NEGR1: variants seen among roughly 807,000 people sequenced by gnomAD.
The protein encoded by NEGR1 is IgLON family member 4.
Under a neutral mutation model 40.9 loss-of-function variants are expected in NEGR1, and 10 were observed. That is an observed-to-expected ratio of 0.24 (90% CI 0.15 to 0.42). The LOEUF is 0.42. Among genes scored for constraint, NEGR1 ranks in the 10% least tolerant of loss-of-function variants. NEGR1 has a pLI of 1.00. For synonymous variants in NEGR1, 185 were observed against 166.8 expected (o/e 1.11, Z -0.84); for missense variants, 352 against 438.9 (o/e 0.80, Z 1.77).
At chr1:71,930,426 A>G (rs1289992561) in intron 2 of NEGR1, among the ~76,000 whole-genome samples, 1 of 152,150 alleles carries the variant, frequency 6.6e-6, no homozygotes, top group Non-Finnish European at 1.5e-5. Context: ...AATTTTTGAC[A>G]TGCTCTGAAA....
At chr1:71,606,740 G>A (rs1017997230) in intron 5 of NEGR1, among the ~76,000 whole-genome samples, 2 of 147,818 alleles carry the variant, frequency 1.4e-5, no homozygotes, top group South Asian at 2.1e-4. Context: ...AAAGAAACTG[G>A]AAAGTGTTTT....
intron 1 of NEGR1, among the ~76,000 whole-genome samples, chr1:72,217,934 A>T (rs1371686725): frequency 6.6e-6 from 1 of 151,850 alleles, no homozygotes; most frequent in Non-Finnish European, 1.5e-5. Context: ...ATTATAATAG[A>T]CAAGATAATA....
chr1:72,058,531 A>G (rs1647133532), intron 1 of NEGR1, among the ~76,000 whole-genome samples: 1 of 151,680 alleles, frequency 6.6e-6, no homozygotes, highest in Non-Finnish European at 1.5e-5. Context: ...TTTAAGCCAC[A>G]GTTTTGGCTG....
At chr1:71,987,789 T>A (rs1196149596) in intron 1 of NEGR1, among the ~76,000 whole-genome samples, 7 of 150,080 alleles carry the variant, frequency 4.7e-5, no homozygotes, top group Admixed American at 6.6e-5. Flanking sequence ...AGGATTTTTT[T>A]ATAAAATCTG....
chr1:71,942,455 C>CTATATATATATATATATATATCTA (rs1645968770), intron 1 of NEGR1, among the ~76,000 whole-genome samples: 4 of 21,292 alleles, frequency 1.9e-4, no homozygotes, highest in African/African-American at 6.6e-4. Flanking sequence ...TTCTTTAAAT[C>CTATATATATATATATATATATCTA]TATATATATA....
intron 2 of NEGR1, among the ~76,000 whole-genome samples, chr1:71,885,437 G>GTTTT (rs1196488101): frequency 2.0e-5 from 3 of 152,148 alleles, no homozygotes; most frequent in Admixed American, 6.6e-5. Context: ...TACTTGTTTA[G>GTTTT]TTTTTTGTTT....
At chr1:72,048,571 A>T (rs1456129007) in intron 1 of NEGR1, among the ~76,000 whole-genome samples, 2 of 151,554 alleles carry the variant, frequency 1.3e-5, no homozygotes, top group Non-Finnish European at 3.0e-5. Flanking sequence ...AATCGGGTGG[A>T]ATAGTGAGGG....
At chr1:71,883,722 C>T (rs1302527970) in intron 2 of NEGR1, among the ~76,000 whole-genome samples, 2 of 115,824 alleles carry the variant, frequency 1.7e-5, no homozygotes, top group South Asian at 7.2e-4. Flanking sequence ...CTATCCCTCC[C>T]CCCTCCCCCC....
At chr1:71,641,806 G>C (rs1023385368) in intron 4 of NEGR1, among the ~76,000 whole-genome samples, 6 of 151,988 alleles carry the variant, frequency 3.9e-5, no homozygotes, top group Admixed American at 3.3e-4. Flanking sequence ...GCCCCTGTCT[G>C]AGTAGAGATG....
chr1:71,841,078 A>G lies in NEGR1; in HGVS notation c.410-64781T>C, dbSNP rs139368683. ...AAGGTATATCTCTTTCTCTCTCTCT[A>G]TATATATACACATCCTATTAGTTCT... On this transcript the variant is annotated intron_variant, in intron 2 of 6. Transcript: ENST00000357731. 2.6e-5 allele frequency among the ~76,000 whole-genome samples: 4 copies of G among 152,012 alleles called. No homozygotes were observed. The South Asian group carries it at 8.3e-4, about 32-fold the overall frequency.
intron 1 of NEGR1, among the ~76,000 whole-genome samples, chr1:72,149,672 C>T (rs1418725810): frequency 5.9e-5 from 9 of 151,642 alleles, no homozygotes; most frequent in Non-Finnish European, 1.0e-4. Flanking sequence ...CACCTGAAGT[C>T]GGGAGTTCGA....
chr1:71,659,620 A>T (rs753279505), intron 4 of NEGR1, among the ~76,000 whole-genome samples: 1 of 152,194 alleles, frequency 6.6e-6, no homozygotes, highest in Non-Finnish European at 1.5e-5. Flanking sequence ...AAGAAACTTA[A>T]ATTTACAAGA....
intron 1 of NEGR1, among the ~76,000 whole-genome samples, chr1:72,009,624 T>C (rs992513719): frequency 1.1e-4 from 16 of 152,122 alleles, no homozygotes; most frequent in Non-Finnish European, 1.9e-4. Flanking sequence ...GCAGGACATA[T>C]GTGACAGTTT....
intron 6 of NEGR1, among the ~76,000 whole-genome samples, chr1:71,501,890 G>A (rs939427236): frequency 6.6e-6 from 1 of 152,066 alleles, no homozygotes; most frequent in Non-Finnish European, 1.5e-5. Context: ...ATATTCAAAA[G>A]TTAAACATTG....
chr1:71,714,743 G>A (rs1385934483), intron 3 of NEGR1, among the ~76,000 whole-genome samples: 1 of 152,202 alleles, frequency 6.6e-6, no homozygotes, highest in Non-Finnish European at 1.5e-5. Flanking sequence ...AGCTCCCATG[G>A]CCTTGGCCAG....
At chr1:71,669,859 C>T (rs1015950897) in intron 4 of NEGR1, among the ~76,000 whole-genome samples, 1 of 152,118 alleles carries the variant, frequency 6.6e-6, no homozygotes, top group Non-Finnish European at 1.5e-5. Context: ...ACCAGGTTGG[C>T]CAGGATGGTC....
chr1:71,897,027 T>C (rs928543170), intron 2 of NEGR1, among the ~76,000 whole-genome samples: 1 of 152,210 alleles, frequency 6.6e-6, no homozygotes, highest in Non-Finnish European at 1.5e-5. Context: ...TGTGCTCTGA[T>C]GCCATGTTAC....
chr1:72,060,681 A>G (rs1647159383), intron 1 of NEGR1, among the ~76,000 whole-genome samples: 1 of 151,670 alleles, frequency 6.6e-6, no homozygotes, highest in African/African-American at 2.4e-5. Context: ...CAATTTGAGT[A>G]GTACTCAGCA....
rs72678972 is a variant in NEGR1 at position 71,818,123 on chromosome 1, C to T, written c.410-41826G>A. ...AAATTAGTTCAGCAATTGTGAAAAA[C>T]GGTGTAGCGATTCCTCAAAGAACTT... On this transcript the variant is annotated intron_variant, in intron 2 of 6. Coordinates refer to ENST00000357731, the MANE Select transcript of NEGR1 (RefSeq NM_173808.3). Among the ~76,000 whole-genome samples, 933 of 152,006 alleles carry T rather than the reference C, an allele frequency of 6.1e-3. 4 individuals carry two copies. Among genetic ancestry groups the T allele is most frequent in the Non-Finnish European group, 1.0e-2 (676 of 67,908 alleles).
Sources: allele counts gnomAD v4.1 joint callset (sites outside exome capture counted in the v4.1 genomes callset), GRCh38; gene constraint gnomAD v4.1.1; transcripts MANE v1.5; gene names NCBI Gene and HGNC (gene_info 2026-07-23, HGNC 2026-07-21).